Variants in APLP2 observed in about 807,000 individuals in gnomAD.
The protein encoded by APLP2 is amyloid beta precursor like protein 2.
In APLP2, 53 loss-of-function variants were observed where a neutral mutation model predicts 89.9. The observed-to-expected ratio is 0.59, with a 90% confidence interval of 0.47 to 0.74. APLP2 has a LOEUF of 0.74. Ranked by LOEUF, APLP2 falls within the 30% of genes least tolerant of loss-of-function variation. The pLI, the probability that APLP2 is intolerant of heterozygous loss-of-function variation, is 0.00. For missense variants in APLP2, 973 were observed against 975.9 expected (o/e 1.00, Z 0.04); for synonymous variants, 372 against 348.6 (o/e 1.07, Z -0.75).
chr11:130,105,701 C>CT (rs765278847), intron 1 of APLP2, among the ~76,000 whole-genome samples: 3,442 of 118,134 alleles, frequency 0.029, 103 homozygotes, highest in Non-Finnish European at 0.039. Flanking sequence ...TTTCTGTCTG[C>CT]TTTTTTTTTT....
chr11:130,104,430 G>T (rs962410877), intron 1 of APLP2, among the ~76,000 whole-genome samples: 2 of 151,888 alleles, frequency 1.3e-5, no homozygotes, highest in African/African-American at 4.8e-5. Context: ...TGTTGGCCAG[G>T]CTGGTCTCGA....
At chr11:130,083,965 G>A (rs914820975) in intron 1 of APLP2, among the ~76,000 whole-genome samples, 1 of 152,088 alleles carries the variant, frequency 6.6e-6, no homozygotes, top group Non-Finnish European at 1.5e-5. Flanking sequence ...CCGATTTCTC[G>A]GCCGGGCGCG....
rs868746480 is a variant in APLP2 at position 130,136,717 on chromosome 11, G to T, written c.1837+1002G>T. The stretch of plus-strand genomic sequence containing the variant: ...CTCCAGAAATAAAACAGGATCTGAG[G>T]AAGTGGCAGATAGATGAAAAGGCGC... On this transcript the variant is annotated intron_variant, in intron 13 of 16. Coordinates refer to ENST00000338167, the MANE Select transcript of APLP2 (RefSeq NM_001142276.2). 1.1e-4 allele frequency among the ~76,000 whole-genome samples: 16 copies of T among 152,296 alleles called. No homozygotes were observed. The South Asian group carries it at 1.9e-3, about 18-fold the overall frequency.
chr11:130,135,424 G>A (rs906457814), intron 12 of APLP2, 139 bp from the exon 13 acceptor site: 3 of 1,020,326 alleles, frequency 2.9e-6, no homozygotes, highest in Non-Finnish European at 4.3e-6. Flanking sequence ...TTGGGGCTCT[G>A]TGGTGCCACA....
intron 13 of APLP2, 26 bp from the exon 14 acceptor site, chr11:130,140,372 C>T (rs1324954114): frequency 1.9e-6 from 3 of 1,573,440 alleles, no homozygotes; most frequent in African/African-American, 2.7e-5. Flanking sequence ...TCCTTGGGAA[C>T]TCAGCCATGA....
At chr11:130,122,099 T>C (rs1446063804) in intron 5 of APLP2, among the ~76,000 whole-genome samples, 1 of 152,240 alleles carries the variant, frequency 6.6e-6, no homozygotes, top group Non-Finnish European at 1.5e-5. Flanking sequence ...ATTTGTCTTA[T>C]TGTTGTATCA....
At chr11:130,108,283 T>G (rs1177759718) in intron 1 of APLP2, among the ~76,000 whole-genome samples, 1 of 151,806 alleles carries the variant, frequency 6.6e-6, no homozygotes, top group African/African-American at 2.4e-5. Context: ...CAGGCAACCT[T>G]GGGAGAAAAT....
chr11:130,108,447 A>G (rs1311621675), intron 1 of APLP2, among the ~76,000 whole-genome samples: 10 of 152,250 alleles, frequency 6.6e-5, no homozygotes, highest in Non-Finnish European at 1.0e-4. Context: ...CAACAGACAC[A>G]TGAAGAAATG....
chr11:130,085,323 G>A (rs190075037), intron 1 of APLP2, among the ~76,000 whole-genome samples: 141 of 152,286 alleles, frequency 9.3e-4, no homozygotes, highest in African/African-American at 3.3e-3. Flanking sequence ...ATGGTGGTAG[G>A]TGTGTGTAAT....
chr11:130,111,602 G>A (rs1053670471), intron 3 of APLP2, among the ~76,000 whole-genome samples: 3 of 152,144 alleles, frequency 2.0e-5, no homozygotes, highest in South Asian at 2.1e-4. Flanking sequence ...AGGAAGAAGC[G>A]GTGCCCCTGA....
intron 1 of APLP2, among the ~76,000 whole-genome samples, chr11:130,080,697 CTTTTTTT>C (rs375026553): frequency 7.7e-6 from 1 of 130,244 alleles, no homozygotes; most frequent in East Asian, 2.2e-4. Flanking sequence ...ATTTATCTTT[CTTTTTTT>C]TTTTTTTTTT....
chr11:130,116,763 C>T (rs558990428), intron 3 of APLP2, among the ~76,000 whole-genome samples: 4 of 152,188 alleles, frequency 2.6e-5, no homozygotes, highest in African/African-American at 9.6e-5. Flanking sequence ...TGAGCCCCTG[C>T]GTCCAGACAT....
intron 1 of APLP2, among the ~76,000 whole-genome samples, chr11:130,089,798 A>G (rs796531731): frequency 1.8e-4 from 28 of 152,328 alleles, no homozygotes; most frequent in African/African-American, 6.5e-4. Flanking sequence ...GCGTAACTCC[A>G]TCTTCACGTG....
chr11:130,091,785 C>G (rs1945295472), intron 1 of APLP2, among the ~76,000 whole-genome samples: 1 of 150,622 alleles, frequency 6.6e-6, no homozygotes, highest in Admixed American at 6.6e-5. Context: ...CCCCCACCTC[C>G]CTCCCGGATG....
chr11:130,079,923 C>T (rs904431784), intron 1 of APLP2, among the ~76,000 whole-genome samples: 1 of 152,166 alleles, frequency 6.6e-6, no homozygotes, highest in African/African-American at 2.4e-5. Flanking sequence ...AGATTCTTGT[C>T]ATGAATGAAT....
At chr11:130,142,237 C>T (rs1056484319) in intron 16 of APLP2, among the ~76,000 whole-genome samples, 163 bp downstream of exon 16, 7 of 152,184 alleles carry the variant, frequency 4.6e-5, no homozygotes, top group African/African-American at 1.7e-4. Context: ...GGAAATCAGC[C>T]CCTGCCACAA....
At chr11:130,139,722 A>G (rs1006048063) in intron 13 of APLP2, 1 of 152,166 alleles carries the variant, frequency 6.6e-6, no homozygotes, top group African/African-American at 2.4e-5. Context: ...TGATATTAGA[A>G]TGCTTCCTAT....
chr11:130,129,166 T>C lies in APLP2; in HGVS notation c.1415T>C (p.Leu472Pro), dbSNP rs770220687. Residue 472 changes from leucine (L) to proline (P), a missense_variant, in exon 10 of 17, where the codon CTG (leucine) becomes CCG (proline). Transcript: ENST00000338167. ...AMLNDRRRMA[L>P]ENYLAALQSD... The stretch of plus-strand genomic sequence containing the variant: ...CTGAATGACCGCCGTCGGATGGCTC[T>C]GGAGAACTACCTGGCTGCCTTGCAG... 2 of 1,614,098 alleles carry C rather than the reference T, an allele frequency of 1.2e-6. No homozygotes were observed. The highest frequency in any genetic ancestry group is 1.7e-6 in the Non-Finnish European group (2 of 1,179,974).
chr11:130,075,517 C>T (rs34383309), intron 1 of APLP2, among the ~76,000 whole-genome samples: 9,056 of 152,182 alleles, frequency 0.06, 276 homozygotes, highest in Non-Finnish European at 0.073. Context: ...GAAACACACT[C>T]GTGTATGATT....
Sources: allele counts gnomAD v4.1 joint callset (sites outside exome capture counted in the v4.1 genomes callset), GRCh38; gene constraint gnomAD v4.1.1; transcripts MANE v1.5; gene names NCBI Gene and HGNC (gene_info 2026-07-23, HGNC 2026-07-21).